Variants in SUMF1 observed in about 807,000 individuals in gnomAD.
SUMF1 encodes formylglycine-generating enzyme.
In SUMF1, 48 loss-of-function variants were observed where a neutral mutation model predicts 47.6. The ratio of observed to expected loss-of-function variants is 1.01; its 90% confidence interval spans 0.80 to 1.28. The LOEUF (loss-of-function observed/expected upper bound fraction) is 1.28, where lower values mean the gene tolerates loss of function less well. SUMF1 is among the 50% of genes most tolerant of loss of function. The probability of loss-of-function intolerance (pLI) is 0.00; values close to 1 mark genes in which losing one functional copy is unlikely to be tolerated. For synonymous variants in SUMF1, 230 were observed against 192.1 expected (o/e 1.20, Z -1.63); for missense variants, 571 against 485.4 (o/e 1.18, Z -1.66).
chr3:4,228,304 T>G (rs139016644), intron 8 of SUMF1, among the ~76,000 whole-genome samples: 15 of 152,240 alleles, frequency 9.9e-5, no homozygotes, highest in Admixed American at 2.6e-4. Context: ...CAAGCCACCC[T>G]ACTATGTCTC....
chr3:4,242,918 T>A (rs886415503), intron 8 of SUMF1, among the ~76,000 whole-genome samples: 1 of 152,218 alleles, frequency 6.6e-6, no homozygotes, highest in African/African-American at 2.4e-5. Flanking sequence ...CTTTCTTTGG[T>A]TGGTAGGCTG....
intron 8 of SUMF1, among the ~76,000 whole-genome samples, chr3:4,325,427 T>G (rs1384927774): frequency 6.6e-6 from 1 of 151,582 alleles, no homozygotes; most frequent in African/African-American, 2.4e-5. Context: ...CAAGGACAAA[T>G]TGTAGCAGCA....
intron 8 of SUMF1, among the ~76,000 whole-genome samples, chr3:4,322,200 AACAG>A (rs1194321351): frequency 1.6e-4 from 25 of 152,132 alleles, no homozygotes; most frequent in Non-Finnish European, 8.8e-5. Flanking sequence ...CTAGAACCAA[AACAG>A]ACAGGTAAAA....
At position 4,173,439 on chromosome 3, in the gene SUMF1, A is replaced by T. The variant is rs561899326; in HGVS notation, c.1015-104694T>A. On this transcript the variant is annotated intron_variant and NMD_transcript_variant, in intron 8 of 12. Coordinates refer to the SUMF1 transcript ENST00000448413. ...ACTTTTACACTGTGGGTGGGAGTGT[A>T]AATTAGTTCAACCATTGTGGAAGAC... Among the ~76,000 whole-genome samples the T allele has an allele frequency of 6.4e-4, 97 of 152,326 alleles. 2 individuals are homozygous for T. The highest frequency in any genetic ancestry group is 2.2e-3 in the African/African-American group (90 of 41,576).
At chr3:4,075,860 C>T (rs1164687101) in intron 8 of SUMF1, among the ~76,000 whole-genome samples, 1 of 152,136 alleles carries the variant, frequency 6.6e-6, no homozygotes, top group African/African-American at 2.4e-5. Flanking sequence ...AATGGAAAAA[C>T]ATTCCATGCT....
At chr3:4,324,962 T>G (rs1252537175) in intron 8 of SUMF1, among the ~76,000 whole-genome samples, 1 of 152,076 alleles carries the variant, frequency 6.6e-6, no homozygotes, top group East Asian at 1.9e-4. Context: ...CTGGGAAGGC[T>G]TCACAATCAT....
At chr3:4,384,637 A>T (rs1472359537) in intron 7 of SUMF1, among the ~76,000 whole-genome samples, 1 of 152,178 alleles carries the variant, frequency 6.6e-6, no homozygotes, top group East Asian at 1.9e-4. Flanking sequence ...CCGGAGATTC[A>T]TCCAGGTTGC....
At chr3:4,384,873 ATTTTCTT>A (rs1010768527) in intron 7 of SUMF1, among the ~76,000 whole-genome samples, 116 of 147,560 alleles carry the variant, frequency 7.9e-4, no homozygotes, top group Non-Finnish European at 1.2e-3. Context: ...TGTTTACTTC[ATTTTCTT>A]TTTTCTTTTT....
intron 3 of SUMF1, among the ~76,000 whole-genome samples, chr3:4,443,146 C>T (rs532901051): frequency 3.3e-5 from 5 of 152,064 alleles, no homozygotes; most frequent in East Asian, 1.9e-4. Context: ...GGCGTGGTGG[C>T]GGGCCCCTGT....
At chr3:4,395,720 G>T (rs1701018852) in intron 7 of SUMF1, among the ~76,000 whole-genome samples, 1 of 152,068 alleles carries the variant, frequency 6.6e-6, no homozygotes, top group Non-Finnish European at 1.5e-5. Context: ...GAGAATTTTT[G>T]AAATTGTATT....
intron 3 of SUMF1, among the ~76,000 whole-genome samples, chr3:4,430,511 A>G (rs1384518722): frequency 2.6e-5 from 4 of 152,166 alleles, no homozygotes; most frequent in African/African-American, 4.8e-5. Context: ...AGGATATACC[A>G]TAACAAGCAC....
intron 8 of SUMF1, among the ~76,000 whole-genome samples, chr3:4,143,980 TTCTC>T (rs200936820): frequency 0.25 from 36,522 of 144,578 alleles, 5,091 homozygotes; most frequent in East Asian, 0.39. Context: ...GACCACTGTC[TTCTC>T]TCTCTTTTTT....
intron 7 of SUMF1, among the ~76,000 whole-genome samples, chr3:4,385,215 AT>A (rs1374075858): frequency 6.6e-6 from 1 of 152,152 alleles, no homozygotes; most frequent in Non-Finnish European, 1.5e-5. Flanking sequence ...AAAACGTCAA[AT>A]TGTTTTCCAG....
chr3:4,334,187 G>A (rs1025166502), intron 8 of SUMF1, among the ~76,000 whole-genome samples: 6 of 151,988 alleles, frequency 3.9e-5, no homozygotes, highest in Non-Finnish European at 8.8e-5. Context: ...AACAAAAGGT[G>A]TTGAAAGCAT....
intron 8 of SUMF1, among the ~76,000 whole-genome samples, chr3:4,162,003 G>T (rs751803367): frequency 1.3e-5 from 2 of 152,086 alleles, no homozygotes; most frequent in African/African-American, 2.4e-5. Flanking sequence ...AGGGCCCAAG[G>T]GCTCTTTAGT....
intron 8 of SUMF1, among the ~76,000 whole-genome samples, chr3:4,122,900 C>A (rs1472269931): frequency 6.6e-6 from 1 of 152,166 alleles, no homozygotes; most frequent in African/African-American, 2.4e-5. Flanking sequence ...CGTTGCAACA[C>A]CTCGGCATCA....
intron 8 of SUMF1, among the ~76,000 whole-genome samples, chr3:4,153,808 T>A (rs997379148): frequency 6.6e-5 from 10 of 151,514 alleles, no homozygotes; most frequent in Admixed American, 3.3e-4. Flanking sequence ...TTGCCTACAA[T>A]TGCTTTTAGA....
chr3:4,317,470 T>A, intron 8 of SUMF1: 1 of 473,766 alleles, frequency 2.1e-6, no homozygotes, highest in East Asian at 3.7e-5. Flanking sequence ...ATCACTTGAG[T>A]CCAATTGTTC....
chr3:4,125,450 T>G (rs950223024), intron 8 of SUMF1, among the ~76,000 whole-genome samples: 1 of 152,136 alleles, frequency 6.6e-6, no homozygotes, highest in Non-Finnish European at 1.5e-5. Flanking sequence ...CCAATAGACA[T>G]CAATCTATAC....
Sources: gnomAD v4.1 joint callset for allele counts (sites outside exome capture counted in the v4.1 genomes callset) on GRCh38, gnomAD v4.1.1 for gene constraint, MANE v1.5 for transcripts, NCBI Gene and HGNC (gene_info 2026-07-23, HGNC 2026-07-21) for gene names.